PUDP: variants seen among roughly 807,000 people sequenced by gnomAD.
PUDP encodes the protein pseudouridine 5'-phosphatase, also known as pseudouridine-5'-phosphatase.
In PUDP, 8 loss-of-function variants were observed where a neutral mutation model predicts 9.4. That is an observed-to-expected ratio of 0.85 (90% CI 0.50 to 1.53). The LOEUF is 1.53. Among genes scored for constraint, PUDP ranks in the 40% most tolerant of loss-of-function variants. The pLI is 0.00. For synonymous variants in PUDP, 99 were observed against 80.7 expected (o/e 1.23, Z -1.22); for missense variants, 188 against 189.7 (o/e 0.99, Z 0.05).
intron 3 of PUDP, among the ~76,000 whole-genome samples, chrX:6,951,183 TCATTTATCTA>T (rs1193635810): frequency 3.6e-5 from 4 of 110,857 alleles, no homozygotes; most frequent in Non-Finnish European, 7.6e-5. Flanking sequence ...AAAATCTATC[TCATTTATCTA>T]CATTTATCTA....
chrX:6,720,287 T>C (rs867204320), intron 1 of PUDP, among the ~76,000 whole-genome samples: 21 of 83,133 alleles, frequency 2.5e-4, no homozygotes, highest in East Asian at 1.1e-3. Context: ...TATATATATA[T>C]ACACACACAC....
intron 3 of PUDP, among the ~76,000 whole-genome samples, chrX:6,874,096 T>G (rs1224429806): frequency 9.2e-6 from 1 of 108,592 alleles, no homozygotes; most frequent in East Asian, 2.9e-4. Context: ...ATCACGACAC[T>G]GCACTCCAGC....
At chrX:6,968,599 AG>A (rs1459643098) in intron 3 of PUDP, among the ~76,000 whole-genome samples, 1 of 109,692 alleles carries the variant, frequency 9.1e-6, no homozygotes, top group Non-Finnish European at 1.9e-5. Flanking sequence ...TCTGTGTTTT[AG>A]GGGGTTGGAG....
intron 3 of PUDP, among the ~76,000 whole-genome samples, chrX:6,866,762 T>C (rs1455501523): frequency 1.8e-5 from 2 of 112,202 alleles, no homozygotes; most frequent in Non-Finnish European, 3.8e-5. Flanking sequence ...TTCACTGTAG[T>C]GGTCATCACT....
intron 3 of PUDP, among the ~76,000 whole-genome samples, chrX:6,910,836 C>T (rs938410508): frequency 8.9e-6 from 1 of 111,940 alleles, no homozygotes; most frequent in Non-Finnish European, 1.9e-5. Flanking sequence ...AGTTCAAGAT[C>T]AAGATGTGGC....
At chrX:6,872,743 C>T (rs963950025) in intron 3 of PUDP, among the ~76,000 whole-genome samples, 3 of 105,191 alleles carry the variant, frequency 2.9e-5, no homozygotes, top group African/African-American at 7.0e-5. Flanking sequence ...TATAAGGTCA[C>T]GTTCCCGTGG....
intron 3 of PUDP, among the ~76,000 whole-genome samples, chrX:6,748,860 T>C (rs1196731840): frequency 8.9e-6 from 1 of 111,938 alleles, no homozygotes; most frequent in Non-Finnish European, 1.9e-5. Context: ...ATTGGAAACA[T>C]ACTGATGGAT....
intron 3 of PUDP, among the ~76,000 whole-genome samples, chrX:6,882,746 T>C (rs1927367430): frequency 1.8e-5 from 2 of 110,575 alleles, no homozygotes; most frequent in South Asian, 7.9e-4. Context: ...ATGGATCTAG[T>C]TGTGCAATTA....
chrX:6,950,639 T>C (rs183594931), intron 3 of PUDP, among the ~76,000 whole-genome samples: 1,926 of 109,612 alleles, frequency 0.018, 43 homozygotes, highest in African/African-American at 0.061. Context: ...CTTGATCTCC[T>C]GACCTCGTGA....
chrX:6,731,527 G>T (rs761077050), intron 3 of PUDP, among the ~76,000 whole-genome samples: 1 of 111,657 alleles, frequency 9.0e-6, no homozygotes, highest in Non-Finnish European at 1.9e-5. Context: ...TGAAAATATG[G>T]TTCTTGGCTG....
intron 3 of PUDP, among the ~76,000 whole-genome samples, chrX:7,063,905 C>T (rs1281148134): frequency 3.6e-5 from 4 of 111,667 alleles, no homozygotes; most frequent in African/African-American, 6.5e-5. Context: ...ACCTTGGCCT[C>T]GCTAAGTGCT....
intron 3 of PUDP, among the ~76,000 whole-genome samples, chrX:6,899,121 C>T (rs762666504): frequency 2.8e-4 from 31 of 112,504 alleles, no homozygotes; most frequent in South Asian, 1.5e-3. Context: ...AGGCTACTGT[C>T]ATATTTATAA....
chrX:6,949,057 C>CA (rs1417027787), intron 3 of PUDP, among the ~76,000 whole-genome samples: 1 of 112,052 alleles, frequency 8.9e-6, no homozygotes, highest in Non-Finnish European at 1.9e-5. Context: ...CCCATGGCAC[C>CA]ATGATATATC....
At chrX:6,727,535 C>G (rs751310422) in intron 3 of PUDP, among the ~76,000 whole-genome samples, 8 of 112,254 alleles carry the variant, frequency 7.1e-5, no homozygotes, top group African/African-American at 1.6e-4. Context: ...GCACTTTTTA[C>G]TACTGGGTGT....
At position 7,147,383 on chromosome X, in the gene PUDP, C is replaced by A. The variant is rs144992753; in HGVS notation, c.61+670G>T. 1.6e-4 allele frequency among the ~76,000 whole-genome samples: 18 copies of A among 111,484 alleles called. No individual in the cohort carries two copies. In the East Asian group the frequency reaches 5.1e-3, roughly 32 times the overall value. On this transcript the variant is annotated intron_variant, in intron 1 of 3. Transcript: ENST00000381077. Reference sequence around the variant, plus strand: ...GATAATTCCTTATGGTTGCATAGGGCACTCCTGTGCACTGCGGGAAGTTTA... The same window carrying A: ...GATAATTCCTTATGGTTGCATAGGGAACTCCTGTGCACTGCGGGAAGTTTA...
At chrX:7,013,590 T>C (rs1266016382) in intron 1 of PUDP, among the ~76,000 whole-genome samples, 2 of 111,829 alleles carry the variant, frequency 1.8e-5, no homozygotes, top group Non-Finnish European at 3.8e-5. Flanking sequence ...TAATCTATAC[T>C]CCATATCTAC....
chrX:6,765,258 C>A (rs931318792), intron 3 of PUDP, among the ~76,000 whole-genome samples: 6 of 111,451 alleles, frequency 5.4e-5, no homozygotes, highest in Non-Finnish European at 1.1e-4. Flanking sequence ...CCAGCCTAGA[C>A]AACAGAGCCA....
At chrX:6,737,646 G>A (rs913151186) in intron 3 of PUDP, among the ~76,000 whole-genome samples, 3 of 110,454 alleles carry the variant, frequency 2.7e-5, no homozygotes, top group Non-Finnish European at 3.8e-5. Flanking sequence ...AAGTGATGGC[G>A]GGGACCCATC....
intron 3 of PUDP, among the ~76,000 whole-genome samples, chrX:6,875,271 G>A (rs745468809): frequency 4.5e-5 from 5 of 110,840 alleles, no homozygotes; most frequent in Non-Finnish European, 7.6e-5. Flanking sequence ...GTCTCGGTAC[G>A]TTGCCCAGGC....
Sources: allele counts gnomAD v4.1 joint callset (sites outside exome capture counted in the v4.1 genomes callset), GRCh38; gene constraint gnomAD v4.1.1; transcripts MANE v1.5; gene names NCBI Gene and HGNC (gene_info 2026-07-23, HGNC 2026-07-21).